Variants in SPMIP7 observed in about 807,000 individuals in gnomAD.
SPMIP7 encodes the protein sperm microtubule inner protein 7.
chr7:50,144,010 G>A, the SPMIP7 span, among the ~76,000 whole-genome samples: 4 of 152,114 alleles, frequency 2.6e-5, no homozygotes, highest in Non-Finnish European at 4.4e-5. Flanking sequence ...ACTCTTTCTT[G>A]ATTTGAAATT....
chr7:50,137,749 C>T, the SPMIP7 span, among the ~76,000 whole-genome samples: 3 of 152,128 alleles, frequency 2.0e-5, no homozygotes, highest in South Asian at 6.2e-4. Context: ...TTTACATCTA[C>T]CTGATTACTA....
chr7:50,138,069 T>C, the SPMIP7 span, among the ~76,000 whole-genome samples: 57 of 152,338 alleles, frequency 3.7e-4, no homozygotes, highest in African/African-American at 1.4e-3. Context: ...AGTGTTTCTC[T>C]GCCTTGAAAT....
the SPMIP7 span, chr7:50,151,681 G>T: frequency 1.5e-6 from 1 of 683,084 alleles, no homozygotes; most frequent in Non-Finnish European, 2.3e-6. Context: ...TAAAAATGTG[G>T]CATCAAGTCC....
the SPMIP7 span, among the ~76,000 whole-genome samples, chr7:50,125,261 C>CACATATATAT: frequency 2.2e-5 from 1 of 45,130 alleles, no homozygotes; most frequent in African/African-American, 1.5e-4. Flanking sequence ...CATATATATA[C>CACATATATAT]ACACATATAT....
At chr7:50,156,983 C>A in the SPMIP7 span, among the ~76,000 whole-genome samples, 1 of 152,198 alleles carries the variant, frequency 6.6e-6, no homozygotes, top group East Asian at 1.9e-4. Flanking sequence ...AACCTCCTGG[C>A]TCTGGATTCT....
the SPMIP7 span, among the ~76,000 whole-genome samples, chr7:50,143,601 A>G: frequency 2.6e-5 from 4 of 152,242 alleles, no homozygotes; most frequent in Non-Finnish European, 4.4e-5. Context: ...TTTTATGGTT[A>G]CTAAGTCATC....
At chr7:50,130,349 T>G in the SPMIP7 span, among the ~76,000 whole-genome samples, 11 of 152,206 alleles carry the variant, frequency 7.2e-5, no homozygotes, top group African/African-American at 2.4e-4. Flanking sequence ...AAGTTACGTC[T>G]TATATGGTGG....
the SPMIP7 span, among the ~76,000 whole-genome samples, chr7:50,106,567 C>A: frequency 6.6e-6 from 1 of 152,144 alleles, no homozygotes. Context: ...AAGATATTAT[C>A]TTATTAAACC....
At chr7:50,123,142 C>A in the SPMIP7 span, among the ~76,000 whole-genome samples, 1 of 128,428 alleles carries the variant, frequency 7.8e-6, no homozygotes, top group African/African-American at 3.2e-5. Context: ...GCACTATTCA[C>A]AATAGCAAAG....
chr7:50,158,459 A>G, the SPMIP7 span, among the ~76,000 whole-genome samples: 1 of 143,500 alleles, frequency 7.0e-6, no homozygotes, highest in African/African-American at 2.6e-5. Flanking sequence ...CCTCCCACCG[A>G]TGTCTTCTTC....
the SPMIP7 span, chr7:50,141,534 G>A: frequency 1.6e-6 from 1 of 607,056 alleles, no homozygotes; most frequent in Admixed American, 2.7e-5. Context: ...AAAGAAATGT[G>A]GTTTGTCACA....
the SPMIP7 span, among the ~76,000 whole-genome samples, chr7:50,099,742 T>A: frequency 6.6e-6 from 1 of 152,090 alleles, no homozygotes; most frequent in African/African-American, 2.4e-5. Context: ...CATCAGAGTT[T>A]CATGACTGAT....
At chr7:50,100,094 C>T in the SPMIP7 span, among the ~76,000 whole-genome samples, 1 of 152,208 alleles carries the variant, frequency 6.6e-6, no homozygotes, top group African/African-American at 2.4e-5. Flanking sequence ...AATGCAATCT[C>T]TGTTCACTCT....
chr7:50,133,896 G>A, the SPMIP7 span, among the ~76,000 whole-genome samples: 34 of 152,070 alleles, frequency 2.2e-4, 1 homozygote, highest in Middle Eastern at 3.4e-3. Flanking sequence ...ATCTCTTGGG[G>A]CATATAAAAT....
chr7:50,095,976 T>G, the SPMIP7 span: 31 of 681,806 alleles, frequency 4.5e-5, no homozygotes. Context: ...GTCAATTTTA[T>G]ACTAGTTTAA....
the SPMIP7 span, chr7:50,158,928 C>A: frequency 4.0e-6 from 4 of 995,920 alleles, no homozygotes; most frequent in South Asian, 6.3e-5. Context: ...CGCTCCCTGC[C>A]TGCAGTGCGC....
the SPMIP7 span, among the ~76,000 whole-genome samples, chr7:50,115,898 C>T: frequency 0.28 from 42,585 of 151,758 alleles, 6,865 homozygotes; most frequent in Non-Finnish European, 0.37. Flanking sequence ...TGAAAGCATC[C>T]CCTGTGTAAG....
chr7:50,097,852 T>G, the SPMIP7 span, among the ~76,000 whole-genome samples: 1 of 152,196 alleles, frequency 6.6e-6, no homozygotes, highest in Non-Finnish European at 1.5e-5. Flanking sequence ...TTTATACATT[T>G]GTAAGAATCA....
the SPMIP7 span, chr7:50,120,546 C>T: frequency 6.6e-6 from 1 of 152,300 alleles, no homozygotes; most frequent in Non-Finnish European, 1.5e-5. Flanking sequence ...GGTTTTACTA[C>T]TACAGAAAGC....
Sources: gnomAD v4.1 joint callset for allele counts (sites outside exome capture counted in the v4.1 genomes callset) on GRCh38, gnomAD v4.1.1 for gene constraint, MANE v1.5 for transcripts, NCBI Gene and HGNC (gene_info 2026-07-23, HGNC 2026-07-21) for gene names.